SH2B1: variants seen among roughly 807,000 people sequenced by gnomAD.
SH2B1 encodes the protein SH2B adapter protein 1.
Under a neutral mutation model 62.6 loss-of-function variants are expected in SH2B1, and 15 were observed. The ratio of observed to expected loss-of-function variants is 0.24; its 90% confidence interval spans 0.16 to 0.37. The LOEUF (loss-of-function observed/expected upper bound fraction) is 0.37. Ranked by LOEUF, SH2B1 falls within the 10% of genes least tolerant of loss-of-function variation. SH2B1 has a pLI of 1.00. For missense variants in SH2B1, 925 were observed against 1,015.6 expected (o/e 0.91, Z 1.21); for synonymous variants, 443 against 438.0 (o/e 1.01, Z -0.14).
Position 28,863,905 on chromosome 16 carries a change from CG to C in SH2B1, c.-2189del. ...CGCAGGGAGCGGGAGCCGCCGCCGCCGCCGCCGCCGCCGGAGCTAACCTCGG... is the reference window on the plus strand; with the variant it reads ...CGCAGGGAGCGGGAGCCGCCGCCGCCCCGCCGCCGCCGGAGCTAACCTCGG... On this transcript the variant is annotated 5_prime_UTR_variant, in exon 1 of 8. Transcript: ENST00000684370. 1 of 1,275,328 alleles carries C rather than the reference CG, an allele frequency of 7.8e-7. No individual in the cohort carries two copies. The highest frequency in any genetic ancestry group is 1.1e-6 in the Non-Finnish European group (1 of 938,818). The allele number at this position is 1,275,328 out of a possible 1,614,324, so 79.0% of individuals were successfully genotyped here.
chr16:28,859,932 C>T (rs900303590), upstream of SH2B1, among the ~76,000 whole-genome samples: 11 of 138,106 alleles, frequency 8.0e-5, no homozygotes, highest in South Asian at 1.3e-3. Context: ...GTAGTTATAG[C>T]GGAAAGCATC....
intron 4 of SH2B1, 109 bp from the exon 5 acceptor site, chr16:28,871,671 T>C: frequency 1.2e-6 from 1 of 852,394 alleles, no homozygotes. Context: ...GTTTGGCATC[T>C]TGGCCAGCGA....
rs548117243 is a variant in SH2B1, at chr16:28,872,940, C to T, written c.1897+235C>T. The T allele has an allele frequency of 1.1e-3, 712 of 648,728 alleles. No homozygotes were observed. The highest frequency in any genetic ancestry group is 1.4e-3 in the Non-Finnish European group (518 of 374,102). The allele number at this position is 648,728 out of a possible 1,614,324, so 40.2% of individuals were successfully genotyped here. A position where few individuals can be genotyped will look rare whatever the true frequency, so the allele number is the denominator to read the frequency against. Reference sequence around the variant, plus strand: ...GCCGGGGCGGCAGCTGAGAGGTGGGCGGGCGCATCCCCATTCCATCGGATC... The same window carrying T: ...GCCGGGGCGGCAGCTGAGAGGTGGGTGGGCGCATCCCCATTCCATCGGATC... On this transcript the variant is annotated intron_variant, in intron 7 of 7. Coordinates refer to ENST00000684370, the MANE Select transcript of SH2B1 (RefSeq NM_001387430.1). This position sits in a 1 kb window ranked among gnomAD's most constrained non-coding sequence, Gnocchi z 5.3.
rs964228686 is a variant in SH2B1, at chr16:28,864,730, C to G, written c.-1365C>G. The G allele has an allele frequency of 1.1e-6, 1 of 873,438 alleles. No individual in the cohort carries two copies. Among genetic ancestry groups the G allele is most frequent in the African/African-American group, 1.8e-5 (1 of 54,984 alleles). 54.1% of individuals were successfully genotyped at this position (873,438 alleles called of 1,614,324 possible). A position where few individuals can be genotyped will look rare whatever the true frequency, so the allele number is the denominator to read the frequency against. ...AGAGCCAAGGGTTGTAAATTCCACA[C>G]CCAGCTCTGCCACTTTCTAGTTGTA... On this transcript the variant is annotated 5_prime_UTR_variant, in exon 1 of 8. Coordinates refer to ENST00000684370, the MANE Select transcript of SH2B1 (RefSeq NM_001387430.1).
At chr16:28,846,628 G>C, upstream of SH2B1, 1 of 340,536 alleles carries the variant, frequency 2.9e-6, no homozygotes, top group South Asian at 3.6e-5. Context: ...AGGTCGGCGG[G>C]CTGTGGAGGT....
intron 1 of SH2B1, among the ~76,000 whole-genome samples, chr16:28,848,153 T>C (rs1240162839): frequency 6.6e-6 from 1 of 151,684 alleles, no homozygotes; most frequent in Non-Finnish European, 1.5e-5. Flanking sequence ...TATAAAAATA[T>C]TTTGGCCAGG....
chr16:28,860,209 G>A (rs114388244), upstream of SH2B1, among the ~76,000 whole-genome samples: 767 of 150,082 alleles, frequency 5.1e-3, 8 homozygotes, highest in African/African-American at 0.018. Flanking sequence ...CAGCCAAACT[G>A]TGTAGAACAT....
intron 1 of SH2B1, among the ~76,000 whole-genome samples, chr16:28,853,644 C>T (rs904261699): frequency 6.6e-6 from 1 of 150,870 alleles, no homozygotes; most frequent in African/African-American, 2.4e-5. Context: ...TGTGAACCAT[C>T]ACGCCCAGCC....
At chr16:28,853,045 T>A (rs1191040459) in intron 1 of SH2B1, among the ~76,000 whole-genome samples, 8 of 86,874 alleles carry the variant, frequency 9.2e-5, no homozygotes, top group East Asian at 3.5e-4. Flanking sequence ...TACATATATA[T>A]TTATATATGT....
chr16:28,849,756 G>A (rs934176207), intron 1 of SH2B1, among the ~76,000 whole-genome samples: 5 of 151,944 alleles, frequency 3.3e-5, no homozygotes, highest in East Asian at 1.9e-4. Context: ...GTGAAATCCC[G>A]TCTTTACTAA....
Position 28,872,901 on chromosome 16 carries a change from G to C in SH2B1, c.1897+196G>C, listed in dbSNP as rs1722136302. On this transcript the variant is annotated intron_variant, in intron 7 of 7. Transcript: ENST00000684370. The surrounding 1 kb of genome is among the most constrained non-coding windows in gnomAD (Gnocchi z 5.3). ...GCTGATAGGACACAGGAAGGCAGAA[G>C]GCTCCTGGCCGGAGCCGGGGCGGCA... The C allele has an allele frequency of 1.3e-6, 1 of 780,446 alleles. No individual in the cohort carries two copies. Among genetic ancestry groups the C allele is most frequent in the Non-Finnish European group, 2.1e-6 (1 of 483,590 alleles). 48.3% of individuals were successfully genotyped at this position (780,446 alleles called of 1,614,324 possible).
chr16:28,874,088 T>G lies in SH2B1; in HGVS notation c.*268T>G. The stretch of plus-strand genomic sequence containing the variant: ...CCCTGGGGGCCATTTCCCCATTAAC[T>G]ACCCCCAGCCCGAGGCAGGGTGAGG... On this transcript the variant is annotated 3_prime_UTR_variant, in exon 8 of 8. Coordinates refer to ENST00000684370, the MANE Select transcript of SH2B1 (RefSeq NM_001387430.1). The G allele has an allele frequency of 5.6e-6, 2 of 356,290 alleles. No homozygotes were observed. The highest frequency in any genetic ancestry group is 5.0e-6 in the Non-Finnish European group (1 of 199,472). 22.1% of individuals were successfully genotyped at this position (356,290 alleles called of 1,614,324 possible).
chr16:28,851,078 G>A (rs529917124), intron 1 of SH2B1, among the ~76,000 whole-genome samples: 52 of 149,480 alleles, frequency 3.5e-4, no homozygotes, highest in South Asian at 1.7e-3. Context: ...GGAGGCTGAG[G>A]TGGGAGACTC....
intron 1 of SH2B1, among the ~76,000 whole-genome samples, chr16:28,855,400 G>C (rs1962296787): frequency 6.8e-6 from 1 of 146,836 alleles, no homozygotes; most frequent in Admixed American, 6.8e-5. Context: ...TTTATTTTTA[G>C]TAAAGACGAG....
chr16:28,855,116 T>C (rs1395854448), intron 1 of SH2B1, among the ~76,000 whole-genome samples: 11 of 152,050 alleles, frequency 7.2e-5, no homozygotes, highest in African/African-American at 2.7e-4. Context: ...TCGGGTGATC[T>C]GCCCACCTTG....
rs745342726 is a variant in SH2B1, at chr16:28,864,961, G to A, written c.-1134G>A. Reference sequence around the variant, plus strand: ...AGCTTTGTTTAACAGATAGAAAAACGGAGGCTCAGAGAGGACGTGGAATTT... The same window carrying A: ...AGCTTTGTTTAACAGATAGAAAAACAGAGGCTCAGAGAGGACGTGGAATTT... On this transcript the variant is annotated 5_prime_UTR_variant, in exon 1 of 8. Coordinates refer to ENST00000684370, the MANE Select transcript of SH2B1 (RefSeq NM_001387430.1). 3 of 387,306 alleles carry A rather than the reference G, an allele frequency of 7.7e-6. No individual in the cohort carries two copies. Among genetic ancestry groups the A allele is most frequent in the Non-Finnish European group, 1.1e-5 (3 of 283,230 alleles). 24.0% of individuals were successfully genotyped at this position (387,306 alleles called of 1,614,324 possible). A position where few individuals can be genotyped will look rare whatever the true frequency, so the allele number is the denominator to read the frequency against.
chr16:28,872,344 G>T lies in SH2B1; in HGVS notation c.1668G>T (p.Gln556His). ...CCCACGGTGTCTTCCTGGTGCGCCA[G>T]AGTGAGACAAGGCGGGGTGAATACG... The part of the protein sequence containing the change: ...TGSHGVFLVR[Q>H]SETRRGEYVL... The change falls in exon 6 of 8, where the codon CAG (glutamine) becomes CAT (histidine). Residue 556 changes from glutamine (Q) to histidine (H), a missense_variant. Physicochemically the swap from Gln to His is conservative, Grantham distance 24. Transcript: ENST00000684370. This position sits in a 1 kb window ranked among gnomAD's most constrained non-coding sequence, Gnocchi z 5.3. 6.2e-7 allele frequency: 1 copy of T among 1,613,844 alleles called. No individual in the cohort carries two copies. Among genetic ancestry groups the T allele is most frequent in the Non-Finnish European group, 8.5e-7 (1 of 1,179,812 alleles).
In SH2B1 at chr16:28,864,995, T is replaced by A. The variant is rs1962606882; in HGVS notation, c.-1100T>A. Reference sequence around the variant, plus strand: ...GAGAGGACGTGGAATTTGTTCAAGATAACATCGCTCATAAGGTGGCTGGAC... The same window carrying A: ...GAGAGGACGTGGAATTTGTTCAAGAAAACATCGCTCATAAGGTGGCTGGAC... On this transcript the variant is annotated 5_prime_UTR_variant, in exon 1 of 8. Transcript: ENST00000684370. 2 of 672,070 alleles carry A rather than the reference T, an allele frequency of 3.0e-6. No individual in the cohort carries two copies. Among genetic ancestry groups the A allele is most frequent in the South Asian group, 1.3e-4 (2 of 15,020 alleles). The allele number at this position is 672,070 out of a possible 1,614,324, so 41.6% of individuals were successfully genotyped here.
rs370859940 is a variant in SH2B1, at chr16:28,866,031, G to A, written c.-64G>A. The A allele has an allele frequency of 1.1e-4, 158 of 1,502,294 alleles. No individual in the cohort carries two copies. The highest frequency in any genetic ancestry group is 2.2e-4 in the African/African-American group (16 of 71,658). The allele number at this position is 1,502,294 out of a possible 1,614,324, so 93.1% of individuals were successfully genotyped here. ...TCGCAGCTGCTGCCGCCCACCCCTC[G>A]TCTTCTGGCTGCCTCCCTCTTTGTG... On this transcript the variant is annotated 5_prime_UTR_variant, in exon 1 of 8. Coordinates refer to ENST00000684370, the MANE Select transcript of SH2B1 (RefSeq NM_001387430.1). The surrounding 1 kb of genome is among the most constrained non-coding windows in gnomAD (Gnocchi z 6.3).
Sources: allele counts gnomAD v4.1 joint callset (sites outside exome capture counted in the v4.1 genomes callset), GRCh38; gene constraint gnomAD v4.1.1; non-coding constraint Gnocchi (gnomAD v3.1); transcripts MANE v1.5; gene names NCBI Gene and HGNC (gene_info 2026-07-23, HGNC 2026-07-21).